DMD: variants seen among roughly 807,000 people sequenced by gnomAD.
DMD encodes the protein mutant dystrophin.
DMD carries 63 observed loss-of-function variants against 330.1 expected under a neutral mutation model. The observed-to-expected ratio is 0.19, with a 90% CI of 0.16 to 0.24. DMD has a LOEUF of 0.24. DMD is among the 10% of genes least tolerant of loss of function. DMD has a pLI of 1.00. For missense variants in DMD, 3,344 were observed against 2,684.1 expected (o/e 1.25, Z -5.43); for synonymous variants, 1,223 against 959.8 (o/e 1.27, Z -5.07).
At chrX:32,510,250 T>C (rs937603980) in intron 18 of DMD, among the ~76,000 whole-genome samples, 5 of 111,676 alleles carry the variant, frequency 4.5e-5, no homozygotes, top group Non-Finnish European at 9.4e-5. Context: ...GCTTACCTTT[T>C]CCCTGATGCT....
intron 43 of DMD, among the ~76,000 whole-genome samples, chrX:32,243,356 C>A (rs1042516573): frequency 9.0e-6 from 1 of 111,534 alleles, no homozygotes; most frequent in African/African-American, 3.3e-5. Context: ...GTATTAAAAC[C>A]TAAGGAACAA....
chrX:33,203,356 T>C (rs2051388290), intron 1 of DMD, among the ~76,000 whole-genome samples: 1 of 112,027 alleles, frequency 8.9e-6, no homozygotes, highest in South Asian at 3.7e-4. Flanking sequence ...TCAGTTGAAA[T>C]GGGGTTTCCG....
chrX:32,809,943 A>AAAG lies in DMD; in HGVS notation c.531-333_531-332insCTT, dbSNP rs1557048305. ...CCAAAAAAAAAAAAAAAAAAAAAAA[A>AAAG]AAAGAAAGAAAGAAAGAAAGAAAGA... is the stretch of plus-strand genomic sequence containing the variant. On this transcript the variant is annotated intron_variant, in intron 6 of 78. Coordinates refer to ENST00000357033, the MANE Select transcript of DMD (RefSeq NM_004006.3). Among the ~76,000 whole-genome samples, 423 of 83,754 alleles carry AAAG rather than the reference A, an allele frequency of 5.1e-3. 4 individuals carry two copies. Among genetic ancestry groups the AAAG allele is most frequent in the African/African-American group, 0.019 (394 of 20,708 alleles). The allele number at this position is 83,754 out of a possible 115,157, so 72.7% of individuals were successfully genotyped here. A position where few individuals can be genotyped will look rare whatever the true frequency, so the allele number is the denominator to read the frequency against.
At chrX:32,916,526 A>G (rs995740711) in intron 2 of DMD, among the ~76,000 whole-genome samples, 2 of 111,784 alleles carry the variant, frequency 1.8e-5, no homozygotes, top group African/African-American at 6.5e-5. Context: ...AGGTGATACC[A>G]TAAATGAGTA....
intron 44 of DMD, among the ~76,000 whole-genome samples, chrX:32,134,495 C>T (rs185205567): frequency 0.011 from 1,232 of 108,582 alleles, 10 homozygotes; most frequent in East Asian, 0.015. Context: ...TACACATGTC[C>T]TTTTTTTTTC....
At chrX:32,535,037 C>T (rs2047827501) in intron 17 of DMD, among the ~76,000 whole-genome samples, 1 of 111,508 alleles carries the variant, frequency 9.0e-6, no homozygotes, top group Admixed American at 9.5e-5. Flanking sequence ...TAATTGGAAA[C>T]TCAACTTTCT....
At chrX:32,316,428 A>G (rs1555252) in intron 41 of DMD, among the ~76,000 whole-genome samples, 2,982 of 111,288 alleles carry the variant, frequency 0.027, 98 homozygotes, top group African/African-American at 0.092. Flanking sequence ...TATAAAGTCT[A>G]AAAGGTTAAT....
In DMD at chrX:31,292,180, GGGA is replaced by G. The variant is rs112723692; in HGVS notation, c.9225-31167_9225-31165del. Reference sequence around the variant, plus strand: ...TTAATTAAAAGGAAAGCTATAAAATGGGAGAAGATATTTGCAACACATACAATT... The same window carrying G: ...TTAATTAAAAGGAAAGCTATAAAATGGAAGATATTTGCAACACATACAATT... On this transcript the variant is annotated intron_variant, in intron 62 of 78. Coordinates refer to ENST00000357033, the MANE Select transcript of DMD (RefSeq NM_004006.3). Among the ~76,000 whole-genome samples, 830 of 110,678 alleles carry G rather than the reference GGGA, an allele frequency of 7.5e-3. 14 individuals are homozygous for G. Among genetic ancestry groups the G allele is most frequent in the African/African-American group, 0.025 (752 of 30,519 alleles).
intron 54 of DMD, among the ~76,000 whole-genome samples, chrX:31,629,405 T>A (rs1016833965): frequency 2.7e-5 from 3 of 111,422 alleles, no homozygotes; most frequent in Non-Finnish European, 5.7e-5. Flanking sequence ...TCATACTGGA[T>A]AAAAATCTTC....
In DMD at chrX:32,325,210, C is replaced by CTT. The variant is rs767586131; in HGVS notation, c.5923-14936_5923-14935dup. Among the ~76,000 whole-genome samples, 193 of 109,249 alleles carry CTT rather than the reference C, an allele frequency of 1.8e-3. 2 individuals are homozygous for CTT. Among genetic ancestry groups the CTT allele is most frequent in the African/African-American group, 6.2e-3 (187 of 30,228 alleles). 94.9% of individuals were successfully genotyped at this position (109,249 alleles called of 115,157 possible). A position where few individuals can be genotyped will look rare whatever the true frequency, so the allele number is the denominator to read the frequency against. On this transcript the variant is annotated intron_variant, in intron 41 of 78. Coordinates refer to ENST00000357033, the MANE Select transcript of DMD (RefSeq NM_004006.3). ...GACTTTTTAAAGACTAAATTGTAGA[C>CTT]TTTTTTTTTGCTTCAGTGAGGGAGG...
intron 39 of DMD, among the ~76,000 whole-genome samples, chrX:32,345,531 G>A (rs2097760891): frequency 9.0e-6 from 1 of 111,053 alleles, no homozygotes; most frequent in African/African-American, 3.3e-5. Context: ...CAAGTATCAG[G>A]TTACCAAAAA....
At chrX:32,380,004 T>C (rs1048623458) in intron 34 of DMD, among the ~76,000 whole-genome samples, 2 of 111,597 alleles carry the variant, frequency 1.8e-5, no homozygotes. Context: ...AGGGCAAGAA[T>C]TTAACGGCTA....
intron 69 of DMD, among the ~76,000 whole-genome samples, chrX:31,179,331 C>T (rs2040907085): frequency 8.9e-6 from 1 of 112,620 alleles, no homozygotes; most frequent in African/African-American, 3.2e-5. Context: ...GAGAGATGCT[C>T]TAAAGCAGAG....
At chrX:31,937,914 C>T (rs1436908082) in intron 45 of DMD, among the ~76,000 whole-genome samples, 1 of 111,574 alleles carries the variant, frequency 9.0e-6, no homozygotes, top group Non-Finnish European at 1.9e-5. Flanking sequence ...AGACATTTAG[C>T]TTTTTTTAGA....
At chrX:32,833,593 G>A (rs1405765105) in intron 4 of DMD, among the ~76,000 whole-genome samples, 5 of 105,507 alleles carry the variant, frequency 4.7e-5, no homozygotes, top group Admixed American at 2.1e-4. Context: ...TTGTAATTAC[G>A]TATCTTTTAT....
chrX:32,141,491 C>A (rs924369100), intron 44 of DMD, among the ~76,000 whole-genome samples: 2 of 109,877 alleles, frequency 1.8e-5, no homozygotes, highest in Non-Finnish European at 3.8e-5. Context: ...CACGTTAATT[C>A]TCTTCTAAAT....
At chrX:32,844,725 C>A in intron 4 of DMD, 58 bp downstream of exon 4, 1 of 1,045,289 alleles carries the variant, frequency 9.6e-7, no homozygotes, top group Non-Finnish European at 1.3e-6. Context: ...AAAGCCCTCA[C>A]TCAAACATGA....
intron 44 of DMD, among the ~76,000 whole-genome samples, chrX:32,071,717 C>T (rs1363369653): frequency 9.0e-6 from 1 of 110,631 alleles, no homozygotes; most frequent in East Asian, 2.8e-4. Flanking sequence ...CAAATACCAC[C>T]TGTACCCCAA....
At position 31,440,691 on chromosome X, in the gene DMD, CAT is replaced by C. The variant is rs201603286; in HGVS notation, c.9084+3788_9084+3789del. ...TGTGATTCTTAGATGAGAGAATGCACATGAGGACTTTTTCTAACTGCAAGGAG... is the reference window on the plus strand; with the variant it reads ...TGTGATTCTTAGATGAGAGAATGCACGAGGACTTTTTCTAACTGCAAGGAG... On this transcript the variant is annotated intron_variant, in intron 60 of 78. Coordinates refer to ENST00000357033, the MANE Select transcript of DMD (RefSeq NM_004006.3). Among the ~76,000 whole-genome samples the C allele has an allele frequency of 4.5e-4, 50 of 112,220 alleles. No individual in the cohort carries two copies. In the East Asian group the frequency reaches 0.012, roughly 27 times the overall value.
Sources: allele counts gnomAD v4.1 joint callset (sites outside exome capture counted in the v4.1 genomes callset), GRCh38; gene constraint gnomAD v4.1.1; transcripts MANE v1.5; gene names NCBI Gene and HGNC (gene_info 2026-07-23, HGNC 2026-07-21).